Variants in ZNF365 observed in about 807,000 individuals in gnomAD.
ZNF365 encodes the protein zinc finger protein 365.
Under a neutral mutation model 35.0 loss-of-function variants are expected in ZNF365, and 22 were observed. The observed-to-expected ratio is 0.63, with a 90% confidence interval of 0.45 to 0.90. The LOEUF is 0.90. ZNF365 is among the 40% of genes least tolerant of loss of function. The pLI, the probability that ZNF365 is intolerant of heterozygous loss-of-function variation, is 0.00. For missense variants in ZNF365, 448 were observed against 500.3 expected (o/e 0.90, Z 1.00); for synonymous variants, 188 against 196.2 (o/e 0.96, Z 0.35).
At chr10:62,467,290 A>AT (rs930272968) in intron 4 of ZNF365, among the ~76,000 whole-genome samples, 11 of 151,876 alleles carry the variant, frequency 7.2e-5, no homozygotes, top group Non-Finnish European at 1.3e-4. Context: ...AAAATTGTAG[A>AT]TTTTTTTTTG....
chr10:62,389,315 G>A (rs1352063795), intron 3 of ZNF365, among the ~76,000 whole-genome samples: 2 of 152,046 alleles, frequency 1.3e-5, no homozygotes, highest in African/African-American at 2.4e-5. Context: ...CCTGTCTACG[G>A]TTTCCTACAA....
chr10:62,379,393 A>G (rs1191358468), intron 2 of ZNF365, among the ~76,000 whole-genome samples: 1 of 152,180 alleles, frequency 6.6e-6, no homozygotes, highest in Non-Finnish European at 1.5e-5. Flanking sequence ...AAAAGAAAAC[A>G]AAGTGTTTTA....
intron 3 of ZNF365, among the ~76,000 whole-genome samples, chr10:62,447,455 G>T (rs960748251): frequency 2.0e-5 from 3 of 152,122 alleles, no homozygotes; most frequent in Admixed American, 2.0e-4. Flanking sequence ...TGAAATACTG[G>T]TCACTCACAC....
chr10:62,390,389 GA>G (rs1159391515), intron 3 of ZNF365, among the ~76,000 whole-genome samples: 5 of 152,200 alleles, frequency 3.3e-5, no homozygotes, highest in Non-Finnish European at 7.3e-5. Context: ...GAATCTCAAA[GA>G]GAGAAAACAA....
At chr10:62,461,368 A>G (rs1308450283) in intron 4 of ZNF365, among the ~76,000 whole-genome samples, 3 of 152,220 alleles carry the variant, frequency 2.0e-5, no homozygotes, top group Non-Finnish European at 4.4e-5. Context: ...AGCTTCAACC[A>G]GAGCAGCTGT....
chr10:62,412,473 A>G (rs1299252629), intron 3 of ZNF365, among the ~76,000 whole-genome samples: 1 of 152,110 alleles, frequency 6.6e-6, no homozygotes, highest in Non-Finnish European at 1.5e-5. Flanking sequence ...AGGGTATTCA[A>G]ATAGGGAGAG....
At chr10:62,461,322 T>C (rs1840843708) in intron 4 of ZNF365, among the ~76,000 whole-genome samples, 1 of 152,232 alleles carries the variant, frequency 6.6e-6, no homozygotes, top group Non-Finnish European at 1.5e-5. Flanking sequence ...CCTGTGATTT[T>C]TCCAGGACTG....
intron 3 of ZNF365, among the ~76,000 whole-genome samples, chr10:62,409,666 C>T (rs773943302): frequency 6.6e-6 from 1 of 152,100 alleles, no homozygotes; most frequent in Non-Finnish European, 1.5e-5. Context: ...TAGGAGGGAG[C>T]TGTTCCTCAA....
At chr10:62,443,868 T>G (rs1035408113) in intron 3 of ZNF365, among the ~76,000 whole-genome samples, 6 of 152,098 alleles carry the variant, frequency 3.9e-5, no homozygotes. Context: ...TAAAAAAAAA[T>G]TAAGCCAGGC....
chr10:62,446,761 C>T (rs535768409), intron 3 of ZNF365, among the ~76,000 whole-genome samples: 52 of 152,220 alleles, frequency 3.4e-4, no homozygotes, highest in African/African-American at 1.3e-3. Flanking sequence ...ATTTTGCCAC[C>T]CTGGGTGAAA....
At position 62,387,088 on chromosome 10, in the gene ZNF365, C is replaced by G. The variant is rs923434446; in HGVS notation, c.744-1308C>G. Among the ~76,000 whole-genome samples, 5 of 152,276 alleles carry G rather than the reference C, an allele frequency of 3.3e-5. No individual in the cohort carries two copies. In the East Asian group the frequency reaches 7.7e-4, roughly 23 times the overall value. On this transcript the variant is annotated intron_variant, in intron 2 of 4. Coordinates refer to ENST00000395254, the MANE Select transcript of ZNF365 (RefSeq NM_014951.3). ...ACAGTAAAATTATGGAACTCATTAG[C>G]TCCCCTGGGACTTGCAGAACATACA...
At chr10:62,408,073 A>T (rs535992081) in intron 3 of ZNF365, among the ~76,000 whole-genome samples, 1 of 152,306 alleles carries the variant, frequency 6.6e-6, no homozygotes, top group East Asian at 1.9e-4. Flanking sequence ...ACAATGGTGC[A>T]GTTGAAAGGG....
intron 2 of ZNF365, among the ~76,000 whole-genome samples, chr10:62,387,986 C>G (rs1046557820): frequency 6.6e-6 from 1 of 152,190 alleles, no homozygotes; most frequent in African/African-American, 2.4e-5. Flanking sequence ...GTACCTCAGA[C>G]CCATCTGCTG....
chr10:62,452,480 A>G (rs1840698416), intron 3 of ZNF365, among the ~76,000 whole-genome samples: 1 of 152,204 alleles, frequency 6.6e-6, no homozygotes, highest in South Asian at 2.1e-4. Context: ...TCTTGAAGAG[A>G]ATTTCTTGTT....
intron 2 of ZNF365, among the ~76,000 whole-genome samples, chr10:62,379,957 C>G (rs1009283716): frequency 6.6e-6 from 1 of 152,172 alleles, no homozygotes; most frequent in African/African-American, 2.4e-5. Context: ...TCTGGGGACC[C>G]TTTGAAACAC....
intron 4 of ZNF365, among the ~76,000 whole-genome samples, chr10:62,473,160 A>T (rs1841072109): frequency 6.6e-6 from 1 of 152,236 alleles, no homozygotes; most frequent in African/African-American, 2.4e-5. Flanking sequence ...AGGCAGATGG[A>T]TGCATAAAAT....
chr10:62,434,236 G>A (rs535566056), intron 3 of ZNF365, among the ~76,000 whole-genome samples: 3 of 152,224 alleles, frequency 2.0e-5, no homozygotes, highest in South Asian at 2.1e-4. Context: ...GATATGCTTC[G>A]GGTCTAAGAT....
chr10:62,428,910 A>G (rs1398708607), intron 3 of ZNF365, among the ~76,000 whole-genome samples: 2 of 152,192 alleles, frequency 1.3e-5, no homozygotes, highest in Non-Finnish European at 2.9e-5. Flanking sequence ...TATAGCATTT[A>G]CTGCTTTTCT....
intron 3 of ZNF365, among the ~76,000 whole-genome samples, chr10:62,417,022 T>G (rs1386489502): frequency 6.6e-6 from 1 of 152,100 alleles, no homozygotes; most frequent in African/African-American, 2.4e-5. Context: ...AGAGCTATTT[T>G]GTTAGCATAA....
Sources: gnomAD v4.1 joint callset for allele counts (sites outside exome capture counted in the v4.1 genomes callset) on GRCh38, gnomAD v4.1.1 for gene constraint, MANE v1.5 for transcripts, NCBI Gene and HGNC (gene_info 2026-07-23, HGNC 2026-07-21) for gene names.